BCL11A: variants seen among roughly 807,000 people sequenced by gnomAD.
The protein encoded by BCL11A is BCL11 transcription factor A.
BCL11A carries 2 observed loss-of-function variants against 55.9 expected under a neutral mutation model. The ratio of observed to expected loss-of-function variants is 0.04; its 90% CI spans 0.01 to 0.11. BCL11A has a LOEUF of 0.11. Ranked by LOEUF, BCL11A falls within the 10% of genes least tolerant of loss-of-function variation. BCL11A has a pLI of 1.00. For missense variants in BCL11A, 817 were observed against 1,137.1 expected (o/e 0.72, Z 4.05); for synonymous variants, 465 against 473.4 (o/e 0.98, Z 0.23).
chr2:60,531,177 G>C (rs928240141), intron 2 of BCL11A, among the ~76,000 whole-genome samples: 1 of 150,910 alleles, frequency 6.6e-6, no homozygotes, highest in Non-Finnish European at 1.5e-5. Context: ...AAAAAAAAGA[G>C]CTCCTGGCTA....
chr2:60,511,850 G>T (rs1383576339), intron 2 of BCL11A, among the ~76,000 whole-genome samples: 1 of 152,202 alleles, frequency 6.6e-6, no homozygotes, highest in Admixed American at 6.5e-5. Flanking sequence ...GCAAGGGTTG[G>T]AGGGAGCTTT....
intron 1 of BCL11A, among the ~76,000 whole-genome samples, chr2:60,552,578 C>A (rs1382196053): frequency 6.6e-6 from 1 of 152,196 alleles, no homozygotes; most frequent in African/African-American, 2.4e-5. Flanking sequence ...TCGCCGCGGC[C>A]CCTCTCCCGA....
chr2:60,489,778 C>T (rs1678514255), intron 2 of BCL11A, among the ~76,000 whole-genome samples: 1 of 152,158 alleles, frequency 6.6e-6, no homozygotes, highest in South Asian at 2.1e-4. Flanking sequence ...CCCTCTCACC[C>T]CATCCAAAAA....
At chr2:60,490,517 A>G (rs781734576) in intron 2 of BCL11A, among the ~76,000 whole-genome samples, 3 of 152,162 alleles carry the variant, frequency 2.0e-5, no homozygotes, top group Non-Finnish European at 4.4e-5. Flanking sequence ...ACCTCCTGGA[A>G]TCCTGCTCAT....
chr2:60,516,513 G>T (rs911142459), intron 2 of BCL11A, among the ~76,000 whole-genome samples: 1 of 152,180 alleles, frequency 6.6e-6, no homozygotes, highest in Non-Finnish European at 1.5e-5. Flanking sequence ...AAGAGGGAGG[G>T]GGCACCTTAG....
At chr2:60,537,582 G>A (rs1451701239) in intron 2 of BCL11A, 2 of 152,218 alleles carry the variant, frequency 1.3e-5, no homozygotes, top group African/African-American at 2.4e-5. Context: ...TATTTAAAAT[G>A]TACAGGAACA....
chr2:60,521,853 C>T (rs1040600180), intron 2 of BCL11A, among the ~76,000 whole-genome samples: 15 of 152,188 alleles, frequency 9.9e-5, no homozygotes, highest in Admixed American at 4.6e-4. Flanking sequence ...CTCAAGCAAA[C>T]GCCACATCTG....
At chr2:60,467,837 G>GTGGTGGTGA (rs1210633717) in intron 3 of BCL11A, among the ~76,000 whole-genome samples, 1 of 115,814 alleles carries the variant, frequency 8.6e-6, no homozygotes, top group African/African-American at 3.4e-5. Context: ...GATGGTGGTG[G>GTGGTGGTGA]TGGTGGTGAT....
In BCL11A at chr2:60,514,557, A is replaced by G. The variant is rs979178055; in HGVS notation, c.385+31414T>C. Among the ~76,000 whole-genome samples, 3 of 151,002 alleles carry G rather than the reference A, an allele frequency of 2.0e-5. No homozygotes were observed. The South Asian group carries it at 6.3e-4, about 32-fold the overall frequency. The stretch of plus-strand genomic sequence containing the variant: ...ATGGCATGCACCTATAATCCCAGCT[A>G]CTTGGGAGGCTGAGGCAGGAGAATC... On this transcript the variant is annotated intron_variant, in intron 2 of 3. Transcript: ENST00000642384.
At chr2:60,467,278 GGTGGTA>G (rs1676750673) in intron 3 of BCL11A, among the ~76,000 whole-genome samples, 3 of 114,462 alleles carry the variant, frequency 2.6e-5, no homozygotes, top group Non-Finnish European at 5.3e-5. Flanking sequence ...TGGTGGTGGT[GGTGGTA>G]GTGATGGTGG....
intron 2 of BCL11A, among the ~76,000 whole-genome samples, chr2:60,506,035 G>A (rs1187538912): frequency 2.6e-5 from 4 of 152,188 alleles, no homozygotes; most frequent in Non-Finnish European, 5.9e-5. Flanking sequence ...TTTGCAGCCC[G>A]GGTGAAACCA....
At chr2:60,507,951 A>G (rs1023046659) in intron 2 of BCL11A, among the ~76,000 whole-genome samples, 2 of 152,228 alleles carry the variant, frequency 1.3e-5, no homozygotes, top group Non-Finnish European at 2.9e-5. Flanking sequence ...AAGACATATT[A>G]CACACGCAGA....
At chr2:60,552,517 C>A (rs987448200) in intron 1 of BCL11A, among the ~76,000 whole-genome samples, 2 of 152,176 alleles carry the variant, frequency 1.3e-5, no homozygotes, top group African/African-American at 4.8e-5. Context: ...GAACAAAAGG[C>A]GGCAGTGCCG....
chr2:60,498,380 C>T (rs1260353575), intron 2 of BCL11A, among the ~76,000 whole-genome samples: 1 of 152,002 alleles, frequency 6.6e-6, no homozygotes, highest in Non-Finnish European at 1.5e-5. Context: ...CTATCAGTGC[C>T]GACCAAGCAC....
intron 2 of BCL11A, among the ~76,000 whole-genome samples, chr2:60,516,196 T>G (rs1385127921): frequency 6.6e-6 from 1 of 152,118 alleles, no homozygotes; most frequent in African/African-American, 2.4e-5. Context: ...CACTGTCACC[T>G]CTCCTCACCC....
Position 60,469,449 on chromosome 2 carries a change from A to G in BCL11A, c.386-616T>C, listed in dbSNP as rs538233958. On this transcript the variant is annotated intron_variant, in intron 2 of 3. Transcript: ENST00000642384. ...TGGGCCATACTCTAGAATCCTGTCAACTGGAAACCTTACACAGATGTGGCT... is the reference window on the plus strand; with the variant it reads ...TGGGCCATACTCTAGAATCCTGTCAGCTGGAAACCTTACACAGATGTGGCT... 1.2e-4 allele frequency among the ~76,000 whole-genome samples: 18 copies of G among 152,324 alleles called. No homozygotes were observed. The East Asian group carries it at 2.9e-3, about 24-fold the overall frequency.
chr2:60,550,006 G>A (rs148309222), intron 1 of BCL11A: 3 of 152,394 alleles, frequency 2.0e-5, no homozygotes, highest in Non-Finnish European at 2.9e-5. Context: ...CGAGCTCCGA[G>A]GCGAGAGGGG....
chr2:60,510,318 G>A (rs1679909696), intron 2 of BCL11A, among the ~76,000 whole-genome samples: 1 of 151,984 alleles, frequency 6.6e-6, no homozygotes, highest in Non-Finnish European at 1.5e-5. Flanking sequence ...CTGACCTCAG[G>A]GCCCCTTGCT....
At chr2:60,517,148 G>A (rs1668768283) in intron 2 of BCL11A, among the ~76,000 whole-genome samples, 1 of 152,188 alleles carries the variant, frequency 6.6e-6, no homozygotes, top group Admixed American at 6.5e-5. Context: ...ATTGAGAGGT[G>A]TCTTTAAAAA....
Sources: allele counts gnomAD v4.1 joint callset (sites outside exome capture counted in the v4.1 genomes callset), GRCh38; gene constraint gnomAD v4.1.1; transcripts MANE v1.5; gene names NCBI Gene and HGNC (gene_info 2026-07-23, HGNC 2026-07-21).